DEPDC5: variants seen among roughly 807,000 people sequenced by gnomAD.
DEPDC5 encodes the protein GATOR1 complex protein DEPDC5.
A neutral mutation model predicts 217.3 loss-of-function variants in DEPDC5; 73 were observed. The ratio of observed to expected loss-of-function variants is 0.34; its 90% CI spans 0.28 to 0.41. The LOEUF is 0.41. DEPDC5 is among the 10% of genes least tolerant of loss of function. The pLI, the probability that DEPDC5 is intolerant of heterozygous loss-of-function variation, is 1.00. For missense variants in DEPDC5, 1,675 were observed against 2,070.1 expected (o/e 0.81, Z 3.70); for synonymous variants, 733 against 756.7 (o/e 0.97, Z 0.51).
At chr22:31,895,434 C>T (rs894366046) in intron 39 of DEPDC5, among the ~76,000 whole-genome samples, 3 of 152,198 alleles carry the variant, frequency 2.0e-5, no homozygotes, top group African/African-American at 4.8e-5. Flanking sequence ...CATCCCCCAT[C>T]GCAGTGCTCA....
intron 24 of DEPDC5, among the ~76,000 whole-genome samples, chr22:31,826,872 G>A (rs1410123013): frequency 6.6e-6 from 1 of 151,090 alleles, no homozygotes; most frequent in Non-Finnish European, 1.5e-5. Flanking sequence ...TATTTAATTG[G>A]TATGCAAGTA....
chr22:31,868,682 C>T (rs1343886539), intron 33 of DEPDC5, among the ~76,000 whole-genome samples: 1 of 152,208 alleles, frequency 6.6e-6, no homozygotes, highest in Non-Finnish European at 1.5e-5. Flanking sequence ...TCGCCTTCGC[C>T]TCCCAAAGTG....
intron 40 of DEPDC5, among the ~76,000 whole-genome samples, chr22:31,899,574 T>C (rs1401841025): frequency 1.3e-5 from 2 of 152,158 alleles, no homozygotes; most frequent in Non-Finnish European, 2.9e-5. Context: ...TGTATTTTTG[T>C]AGAGATGGGA....
rs369133508 is a variant in DEPDC5, at chr22:31,754,963, G to A, written c.42G>A (p.Lys14=). The part of the protein sequence containing the change: ...TKVYKLVIHK[K]GFGGSDDELV... ...TCTACAAACTCGTCATCCACAAGAA[G>A]GGCTTTGGGGGCAGTGGTCAGTATC... The change falls in exon 2 of 43, where the codon AAG becomes AAA. Residue 14 remains lysine, a synonymous_variant. Transcript: ENST00000651528. The A allele has an allele frequency of 2.5e-6, 4 of 1,614,084 alleles. No homozygotes were observed. Among genetic ancestry groups the A allele is most frequent in the Admixed American group, 1.7e-5 (1 of 60,002 alleles).
intron 3 of DEPDC5, among the ~76,000 whole-genome samples, chr22:31,760,074 T>TA (rs895880501): frequency 2.7e-5 from 4 of 150,790 alleles, no homozygotes; most frequent in Non-Finnish European, 5.9e-5. Flanking sequence ...TTGTTTCTTT[T>TA]TTTTTTTTTG....
At chr22:31,847,902 C>T (rs959418711) in intron 31 of DEPDC5, among the ~76,000 whole-genome samples, 22 of 152,204 alleles carry the variant, frequency 1.4e-4, no homozygotes, top group African/African-American at 5.1e-4. Context: ...TGCCTATGAG[C>T]TTGTAAAGTC....
intron 5 of DEPDC5, 24 bp downstream of exon 5, chr22:31,765,084 A>G (rs200805553): frequency 2.8e-5 from 45 of 1,587,500 alleles, no homozygotes; most frequent in Non-Finnish European, 3.8e-5. Flanking sequence ...TTGTACTTGA[A>G]TATCTTTTTG....
At chr22:31,885,104 C>G (rs1602728909) in intron 38 of DEPDC5, among the ~76,000 whole-genome samples, 1 of 152,206 alleles carries the variant, frequency 6.6e-6, no homozygotes, top group Non-Finnish European at 1.5e-5. Flanking sequence ...GCTTTGCACA[C>G]AGGATCCAGA....
intron 22 of DEPDC5, among the ~76,000 whole-genome samples, chr22:31,820,031 C>T (rs996897227): frequency 6.6e-6 from 1 of 152,062 alleles, no homozygotes; most frequent in Non-Finnish European, 1.5e-5. Flanking sequence ...AAGATTGTCT[C>T]AAGCTGTGGC....
intron 6 of DEPDC5, 105 bp from the exon 7 acceptor site, chr22:31,768,709 T>C: frequency 1.0e-6 from 1 of 982,750 alleles, no homozygotes. Flanking sequence ...CTAGGAGTTC[T>C]TGTTTGTGAT....
chr22:31,849,261 C>T (rs1042886277), intron 31 of DEPDC5, among the ~76,000 whole-genome samples: 6 of 152,136 alleles, frequency 3.9e-5, no homozygotes, highest in African/African-American at 1.4e-4. Flanking sequence ...CCTCACTCCC[C>T]AGTACAAATT....
At chr22:31,778,554 C>G (rs1438533827) in intron 8 of DEPDC5, among the ~76,000 whole-genome samples, 1 of 152,188 alleles carries the variant, frequency 6.6e-6, no homozygotes, top group African/African-American at 2.4e-5. Context: ...TCTTTGCCCA[C>G]ATGTAATATC....
At chr22:31,865,242 G>A (rs1382044309) in intron 33 of DEPDC5, among the ~76,000 whole-genome samples, 1 of 152,182 alleles carries the variant, frequency 6.6e-6, no homozygotes, top group Non-Finnish European at 1.5e-5. Flanking sequence ...TGTAATCCCA[G>A]CACTTTGAGA....
rs139053597 is a variant in DEPDC5 at position 31,867,029 on chromosome 22, C to T, written c.3331-3561C>T. On this transcript the variant is annotated intron_variant, in intron 33 of 42. Transcript: ENST00000651528. ...TCACTAAGTCTAGCCCACTCTAAAG[C>T]GGAGGGGGGAGTATCTACATATGTT... 3.7e-4 allele frequency among the ~76,000 whole-genome samples: 57 copies of T among 152,296 alleles called. 1 individual carries two copies. The Middle Eastern group carries it at 0.01, about 27-fold the overall frequency.
At chr22:31,804,755 T>A (rs1373203497) in intron 16 of DEPDC5, 87 bp from the exon 17 acceptor site, 11 of 1,434,842 alleles carry the variant, frequency 7.7e-6, no homozygotes, top group Admixed American at 2.0e-5. Flanking sequence ...AAATTTTTTT[T>A]AAAAACCTGA....
chr22:31,813,469 G>A (rs2088680846), intron 20 of DEPDC5, among the ~76,000 whole-genome samples: 1 of 152,118 alleles, frequency 6.6e-6, no homozygotes, highest in Admixed American at 6.6e-5. Flanking sequence ...TCAGCACTTG[G>A]AATCTGTTTT....
At chr22:31,809,279 G>A (rs1463082844) in intron 18 of DEPDC5, among the ~76,000 whole-genome samples, 1 of 152,196 alleles carries the variant, frequency 6.6e-6, no homozygotes, top group Non-Finnish European at 1.5e-5. Flanking sequence ...AAACACAACA[G>A]TGGATTGACC....
At chr22:31,798,138 G>GC (rs1308128829) in intron 13 of DEPDC5, among the ~76,000 whole-genome samples, 1 of 152,042 alleles carries the variant, frequency 6.6e-6, no homozygotes, top group Non-Finnish European at 1.5e-5. Context: ...GACCAGGCTT[G>GC]TTTCAAACTC....
At chr22:31,903,791 A>G (rs2093707535) in intron 41 of DEPDC5, among the ~76,000 whole-genome samples, 1 of 149,846 alleles carries the variant, frequency 6.7e-6, no homozygotes, top group Admixed American at 6.7e-5. Flanking sequence ...AGGGATTCCC[A>G]AATGTTTCCT....
Sources: allele counts gnomAD v4.1 joint callset (sites outside exome capture counted in the v4.1 genomes callset), GRCh38; gene constraint gnomAD v4.1.1; transcripts MANE v1.5; gene names NCBI Gene and HGNC (gene_info 2026-07-23, HGNC 2026-07-21).